ADAMTS17: variants seen among roughly 807,000 people sequenced by gnomAD.
The protein encoded by ADAMTS17 is A disintegrin and metalloproteinase with thrombospondin motifs 17.
ADAMTS17 carries 113 observed loss-of-function variants against 141.5 expected under a neutral mutation model. That is an observed-to-expected ratio of 0.80 (90% confidence interval 0.69 to 0.93). ADAMTS17 has a LOEUF of 0.93. ADAMTS17 is among the 40% of genes least tolerant of loss of function. The pLI is 0.00. For synonymous variants in ADAMTS17, 768 were observed against 630.6 expected (o/e 1.22, Z -3.27); for missense variants, 1,659 against 1,517.9 (o/e 1.09, Z -1.54).
Position 99,972,252 on chromosome 15 carries a change from A to C in ADAMTS17, c.*2150T>G, listed in dbSNP as rs2060226070. On this transcript the variant is annotated 3_prime_UTR_variant, in exon 22 of 22. Transcript: ENST00000268070. Reference sequence around the variant, plus strand: ...GGCAACAGAGGGAGACTCTGTCTCAAAAAACAACACCGACAACAAAAAGAT... The same window carrying C: ...GGCAACAGAGGGAGACTCTGTCTCACAAAACAACACCGACAACAAAAAGAT... The C allele has an allele frequency of 6.6e-6, 1 of 152,294 alleles. No individual in the cohort carries two copies. Among genetic ancestry groups the C allele is most frequent in the Non-Finnish European group, 1.5e-5 (1 of 68,110 alleles). The allele number at this position is 152,294 out of a possible 1,614,324, so 9.4% of individuals were successfully genotyped here.
intron 7 of ADAMTS17, among the ~76,000 whole-genome samples, chr15:100,220,059 G>A (rs2042085263): frequency 2.0e-5 from 3 of 151,988 alleles, no homozygotes; most frequent in Admixed American, 2.0e-4. Context: ...CTAATGCATC[G>A]CCATGGTACC....
chr15:100,023,197 T>TA (rs923684036), intron 18 of ADAMTS17, among the ~76,000 whole-genome samples: 417 of 151,762 alleles, frequency 2.7e-3, no homozygotes, highest in Non-Finnish European at 4.2e-3. Context: ...GTGAACAAAA[T>TA]AAAAAAATTT....
chr15:100,190,699 C>A lies in ADAMTS17; in HGVS notation c.1181+8619G>T, dbSNP rs76955260. 3.4e-3 allele frequency among the ~76,000 whole-genome samples: 515 copies of A among 152,328 alleles called. 3 individuals carry two copies. Among genetic ancestry groups the A allele is most frequent in the African/African-American group, 0.012 (503 of 41,580 alleles). On this transcript the variant is annotated intron_variant, in intron 8 of 21. Transcript: ENST00000268070. ...TGCACAAGGGTTTCAGGCAGGAAACCAAACACCTGGAAGAATGGGGACACT... is the reference window on the plus strand; with the variant it reads ...TGCACAAGGGTTTCAGGCAGGAAACAAAACACCTGGAAGAATGGGGACACT...
At chr15:100,155,955 G>A (rs1211283215) in intron 8 of ADAMTS17, among the ~76,000 whole-genome samples, 1 of 151,700 alleles carries the variant, frequency 6.6e-6, no homozygotes, top group Non-Finnish European at 1.5e-5. Flanking sequence ...TCACTGGGGT[G>A]AGCCAAGACA....
intron 19 of ADAMTS17, among the ~76,000 whole-genome samples, chr15:99,995,054 G>C (rs753691574): frequency 6.6e-6 from 1 of 152,184 alleles, no homozygotes; most frequent in Admixed American, 6.5e-5. Context: ...CCAGGGGTCC[G>C]TCCATGGTGG....
At chr15:100,008,953 C>G (rs978566771) in intron 18 of ADAMTS17, among the ~76,000 whole-genome samples, 1 of 152,182 alleles carries the variant, frequency 6.6e-6, no homozygotes, top group Non-Finnish European at 1.5e-5. Context: ...GATCCTTCTA[C>G]CTCAGCCTAC....
chr15:100,063,448 T>C (rs1159257244), intron 15 of ADAMTS17, among the ~76,000 whole-genome samples: 1 of 152,178 alleles, frequency 6.6e-6, no homozygotes, highest in Non-Finnish European at 1.5e-5. Flanking sequence ...GTCCCAAGCT[T>C]GTCTTCCATC....
intron 3 of ADAMTS17, among the ~76,000 whole-genome samples, chr15:100,303,880 G>A (rs1416232129): frequency 9.9e-5 from 15 of 151,936 alleles, no homozygotes; most frequent in African/African-American, 2.7e-4. Flanking sequence ...ATGCCGCCAC[G>A]CCCGGCTAAT....
intron 14 of ADAMTS17, among the ~76,000 whole-genome samples, chr15:100,106,072 C>T (rs1337211955): frequency 6.6e-6 from 1 of 152,070 alleles, no homozygotes; most frequent in East Asian, 1.9e-4. Flanking sequence ...TCTCGATTCA[C>T]TGCAAACTCT....
intron 7 of ADAMTS17, among the ~76,000 whole-genome samples, chr15:100,239,252 G>A (rs1051760294): frequency 2.0e-5 from 3 of 152,202 alleles, no homozygotes; most frequent in East Asian, 1.9e-4. Flanking sequence ...AGCAGCTCCC[G>A]CACACTGTTG....
intron 15 of ADAMTS17, among the ~76,000 whole-genome samples, chr15:100,071,522 C>T (rs1489563542): frequency 1.3e-5 from 2 of 150,222 alleles, no homozygotes; most frequent in African/African-American, 2.5e-5. Context: ...AATGCAGCAG[C>T]ACATCAAGAA....
At chr15:100,072,294 G>A (rs1171004748) in intron 15 of ADAMTS17, among the ~76,000 whole-genome samples, 2 of 148,442 alleles carry the variant, frequency 1.3e-5, no homozygotes, top group Non-Finnish European at 3.0e-5. Flanking sequence ...ATGCTCATGG[G>A]TAGGAAGAAT....
At chr15:100,123,324 A>G (rs1323359139) in intron 12 of ADAMTS17, among the ~76,000 whole-genome samples, 1 of 152,248 alleles carries the variant, frequency 6.6e-6, no homozygotes, top group African/African-American at 2.4e-5. Context: ...AAACGACAGA[A>G]AGACAGCTTG....
At chr15:100,266,151 C>G (rs2043708725) in intron 4 of ADAMTS17, among the ~76,000 whole-genome samples, 1 of 152,228 alleles carries the variant, frequency 6.6e-6, no homozygotes, top group African/African-American at 2.4e-5. Flanking sequence ...AACCAAAGCT[C>G]TGTTAAACTG....
At position 100,199,271 on chromosome 15, in the gene ADAMTS17, C is replaced by T. The variant is rs368835409; in HGVS notation, c.1181+47G>A. 2.6e-6 allele frequency: 4 copies of T among 1,549,210 alleles called. No individual in the cohort carries two copies. The African/African-American group carries it at 5.4e-5, about 21-fold the overall frequency. ...AGAATTCAAGTGAAAAATCTGCACT[C>T]AAAAAGGACTGAAAGAAAACAGGAC... On this transcript the variant is annotated intron_variant, in intron 8 of 21. Coordinates refer to ENST00000268070, the MANE Select transcript of ADAMTS17 (RefSeq NM_139057.4).
chr15:99,988,475 A>G (rs555633848), intron 20 of ADAMTS17, among the ~76,000 whole-genome samples: 46 of 152,346 alleles, frequency 3.0e-4, no homozygotes, highest in African/African-American at 1.1e-3. Context: ...CATGAGCCAA[A>G]TAAACCTCTT....
At chr15:100,006,191 A>G (rs2061033358) in intron 18 of ADAMTS17, among the ~76,000 whole-genome samples, 1 of 152,212 alleles carries the variant, frequency 6.6e-6, no homozygotes, top group Non-Finnish European at 1.5e-5. Flanking sequence ...AGAGGACACA[A>G]TTCAATCCAT....
chr15:100,169,606 G>C (rs117237343), intron 8 of ADAMTS17, among the ~76,000 whole-genome samples: 2 of 152,172 alleles, frequency 1.3e-5, no homozygotes, highest in African/African-American at 4.8e-5. Context: ...CTCCATACAC[G>C]GTGCAGTCAC....
intron 2 of ADAMTS17, among the ~76,000 whole-genome samples, chr15:100,332,080 A>G (rs2046070425): frequency 6.6e-6 from 1 of 152,214 alleles, no homozygotes; most frequent in African/African-American, 2.4e-5. Context: ...CCCAAGATAC[A>G]GGGTGAGGCC....
Sources: gnomAD v4.1 joint callset for allele counts (sites outside exome capture counted in the v4.1 genomes callset) on GRCh38, gnomAD v4.1.1 for gene constraint, MANE v1.5 for transcripts, NCBI Gene and HGNC (gene_info 2026-07-23, HGNC 2026-07-21) for gene names.